The following ZNF804B variants were observed in gnomAD, a reference collection of about 807,000 sequenced individuals.
The protein encoded by ZNF804B is zinc finger protein 804B, also known as zinc finger 804B.
ZNF804B carries 80 observed loss-of-function variants against 101.4 expected under a neutral mutation model. The observed-to-expected ratio is 0.79, with a 90% confidence interval of 0.66 to 0.95. The LOEUF (loss-of-function observed/expected upper bound fraction) is 0.95, where lower values mean the gene tolerates loss of function less well. Ranked by LOEUF, ZNF804B falls within the 40% of genes least tolerant of loss-of-function variation. The pLI, the probability that ZNF804B is intolerant of heterozygous loss-of-function variation, is 0.00. For missense variants in ZNF804B, 1,673 were observed against 1,561.9 expected (o/e 1.07, Z -1.20); for synonymous variants, 622 against 558.8 (o/e 1.11, Z -1.59).
intron 1 of ZNF804B, among the ~76,000 whole-genome samples, chr7:89,168,217 T>G (rs1584028641): frequency 1.3e-5 from 2 of 152,102 alleles, no homozygotes; most frequent in East Asian, 3.9e-4. Context: ...GCTTTTTCAG[T>G]AGTAACTCCT....
chr7:89,268,668 G>A (rs185221184), intron 2 of ZNF804B, among the ~76,000 whole-genome samples: 15 of 144,494 alleles, frequency 1.0e-4, no homozygotes, highest in African/African-American at 3.4e-4. Flanking sequence ...ACGCAGCTCG[G>A]GTGTGAGTAC....
At chr7:88,894,275 G>A (rs560323421) in intron 1 of ZNF804B, among the ~76,000 whole-genome samples, 9 of 151,026 alleles carry the variant, frequency 6.0e-5, no homozygotes, top group African/African-American at 1.2e-4. Flanking sequence ...GTGCAATGGC[G>A]CAATCTCAGC....
intron 1 of ZNF804B, among the ~76,000 whole-genome samples, chr7:89,158,007 A>C (rs1014544314): frequency 6.6e-6 from 1 of 152,170 alleles, no homozygotes; most frequent in African/African-American, 2.4e-5. Flanking sequence ...CTATTCTTCT[A>C]ATGTTTTGGA....
chr7:89,291,375 ATTC>A (rs1331439360), intron 2 of ZNF804B, among the ~76,000 whole-genome samples: 1 of 152,228 alleles, frequency 6.6e-6, no homozygotes, highest in East Asian at 1.9e-4. Flanking sequence ...ACTCATAGAC[ATTC>A]ATAACACAGA....
intron 2 of ZNF804B, among the ~76,000 whole-genome samples, chr7:89,317,848 A>C (rs1790758374): frequency 6.6e-6 from 1 of 152,204 alleles, no homozygotes. Flanking sequence ...AGGGAAGATA[A>C]AATGAACTTT....
chr7:89,279,126 G>T (rs1025195968), intron 2 of ZNF804B, among the ~76,000 whole-genome samples: 2 of 152,138 alleles, frequency 1.3e-5, no homozygotes, highest in African/African-American at 4.8e-5. Flanking sequence ...GTGAATGGGA[G>T]TTCACTCATG....
chr7:88,920,992 A>G (rs961154665), intron 1 of ZNF804B, among the ~76,000 whole-genome samples: 3 of 152,082 alleles, frequency 2.0e-5, no homozygotes, highest in African/African-American at 7.2e-5. Context: ...AAAAGATCTG[A>G]ACTAGATATC....
intron 1 of ZNF804B, among the ~76,000 whole-genome samples, chr7:89,070,878 C>T (rs766768062): frequency 8.6e-5 from 13 of 151,498 alleles, no homozygotes; most frequent in South Asian, 2.1e-4. Context: ...CTTATAATGG[C>T]ATTTCTCCAT....
At position 89,338,231 on chromosome 7, in the gene ZNF804B, T is replaced by A. The variant is rs537291905; in HGVS notation, c.*1199T>A. Among the ~76,000 whole-genome samples, 1 of 152,132 alleles carries A rather than the reference T, an allele frequency of 6.6e-6. No individual in the cohort carries two copies. Among genetic ancestry groups the A allele is most frequent in the African/African-American group, 2.4e-5 (1 of 41,454 alleles). On this transcript the variant is annotated 3_prime_UTR_variant, in exon 4 of 4. Coordinates refer to ENST00000333190, the MANE Select transcript of ZNF804B (RefSeq NM_181646.5). Reference sequence around the variant, plus strand: ...GAAATGGAGGTAATCATTTATCTAATGCTGTCTATACGAAGATGCAAACTC... The same window carrying A: ...GAAATGGAGGTAATCATTTATCTAAAGCTGTCTATACGAAGATGCAAACTC...
chr7:89,246,085 G>A (rs779885723), intron 2 of ZNF804B, among the ~76,000 whole-genome samples: 13 of 152,270 alleles, frequency 8.5e-5, no homozygotes, highest in Non-Finnish European at 1.3e-4. Context: ...TGGTGACTCC[G>A]CAATGTGGCC....
chr7:89,152,110 T>C (rs1388187377), intron 1 of ZNF804B, among the ~76,000 whole-genome samples: 1 of 152,192 alleles, frequency 6.6e-6, no homozygotes, highest in East Asian at 1.9e-4. Context: ...TGGGATATTA[T>C]GCAGTATTAT....
At chr7:88,966,886 A>G (rs959684054) in intron 1 of ZNF804B, among the ~76,000 whole-genome samples, 1 of 151,312 alleles carries the variant, frequency 6.6e-6, no homozygotes, top group African/African-American at 2.4e-5. Context: ...CCTTTGCTCC[A>G]CCATAGGTGT....
At chr7:89,089,754 A>G (rs1038469675) in intron 1 of ZNF804B, among the ~76,000 whole-genome samples, 1 of 152,092 alleles carries the variant, frequency 6.6e-6, no homozygotes, top group Non-Finnish European at 1.5e-5. Context: ...TGCAGGTGGC[A>G]AGTACATATT....
intron 1 of ZNF804B, among the ~76,000 whole-genome samples, chr7:89,163,998 T>A (rs77849429): frequency 6.6e-6 from 1 of 151,996 alleles, no homozygotes; most frequent in Non-Finnish European, 1.5e-5. Flanking sequence ...ATTTTTACAT[T>A]TTGTTAGTTT....
intron 1 of ZNF804B, among the ~76,000 whole-genome samples, chr7:89,111,637 CA>C (rs1409644090): frequency 6.6e-6 from 1 of 152,012 alleles, no homozygotes; most frequent in African/African-American, 2.4e-5. Context: ...ATGTGTTTTG[CA>C]AATATTTTCT....
chr7:88,847,479 T>G (rs542890775), intron 1 of ZNF804B, among the ~76,000 whole-genome samples: 2 of 152,250 alleles, frequency 1.3e-5, no homozygotes, highest in Non-Finnish European at 2.9e-5. Flanking sequence ...ATTATTAAAA[T>G]ATAAAATAAA....
intron 2 of ZNF804B, among the ~76,000 whole-genome samples, chr7:89,276,625 A>G (rs1432779848): frequency 1.3e-5 from 2 of 151,944 alleles, no homozygotes; most frequent in Non-Finnish European, 2.9e-5. Flanking sequence ...GTCTGTGACA[A>G]TCAAAATAAA....
intron 1 of ZNF804B, among the ~76,000 whole-genome samples, chr7:88,926,536 C>T (rs1052104495): frequency 5.3e-5 from 8 of 151,570 alleles, no homozygotes; most frequent in South Asian, 2.1e-4. Context: ...ACCCGGGAGG[C>T]GGAGGAGGTT....
At chr7:89,179,313 T>G (rs1788257617) in intron 1 of ZNF804B, among the ~76,000 whole-genome samples, 1 of 152,202 alleles carries the variant, frequency 6.6e-6, no homozygotes, top group Admixed American at 6.5e-5. Context: ...TTGAGGCTAC[T>G]TCCTACATTC....
Sources: allele counts gnomAD v4.1 joint callset (sites outside exome capture counted in the v4.1 genomes callset), GRCh38; gene constraint gnomAD v4.1.1; transcripts MANE v1.5; gene names NCBI Gene and HGNC (gene_info 2026-07-23, HGNC 2026-07-21).